The following STPG2 variants were observed in gnomAD, a reference collection of about 807,000 sequenced individuals.
STPG2 encodes the protein sperm-tail PG-rich repeat-containing protein 2.
STPG2 carries 56 observed loss-of-function variants against 54.2 expected under a neutral mutation model. The ratio of observed to expected loss-of-function variants is 1.03; its 90% CI spans 0.83 to 1.29. The LOEUF is 1.29. STPG2 is among the 50% of genes most tolerant of loss of function. The pLI is 0.00. For synonymous variants in STPG2, 200 were observed against 181.8 expected (o/e 1.10, Z -0.81); for missense variants, 596 against 544.9 (o/e 1.09, Z -0.93).
intron 9 of STPG2, among the ~76,000 whole-genome samples, chr4:97,785,341 G>C (rs260898): frequency 0.68 from 103,071 of 151,872 alleles, 36,477 homozygotes; most frequent in African/African-American, 0.9. Context: ...GTCAAAACAC[G>C]AGAAAGTAAT....
At chr4:97,968,629 A>G (rs1333068427) in intron 7 of STPG2, among the ~76,000 whole-genome samples, 1 of 152,228 alleles carries the variant, frequency 6.6e-6, no homozygotes, top group East Asian at 1.9e-4. Context: ...AGGCTGGTTC[A>G]ACATATGCAA....
In STPG2 at chr4:97,566,145, T is replaced by C. The variant is rs999302495; in HGVS notation, c.1321-7028A>G. Among the ~76,000 whole-genome samples the C allele has an allele frequency of 4.2e-3, 632 of 152,128 alleles. 3 individuals carry two copies. Among genetic ancestry groups the C allele is most frequent in the South Asian group, 0.02 (98 of 4,824 alleles). On this transcript the variant is annotated intron_variant, in intron 10 of 10. Transcript: ENST00000295268. Reference sequence around the variant, plus strand: ...CTAAGCAAGCCTGGGCAATGGCGGGTGCCTCTCCCCCAGCCTCGCTGCCAC... The same window carrying C: ...CTAAGCAAGCCTGGGCAATGGCGGGCGCCTCTCCCCCAGCCTCGCTGCCAC...
chr4:97,965,786 A>G (rs1245005552), intron 7 of STPG2, among the ~76,000 whole-genome samples: 1 of 152,216 alleles, frequency 6.6e-6, no homozygotes, highest in Non-Finnish European at 1.5e-5. Flanking sequence ...TGATTGTTAA[A>G]AGGAAAACTA....
intron 9 of STPG2, among the ~76,000 whole-genome samples, chr4:97,724,423 A>G (rs1724554956): frequency 6.6e-6 from 1 of 152,132 alleles, no homozygotes; most frequent in Non-Finnish European, 1.5e-5. Context: ...ATTAGTTTAA[A>G]AATTCTCTTT....
intron 8 of STPG2, among the ~76,000 whole-genome samples, chr4:97,901,090 T>G (rs1466822825): frequency 6.6e-6 from 1 of 151,934 alleles, no homozygotes; most frequent in African/African-American, 2.4e-5. Context: ...CAAACAAAAC[T>G]TACATAAGTA....
intron 10 of STPG2, among the ~76,000 whole-genome samples, chr4:97,590,549 C>T (rs1733115225): frequency 6.6e-6 from 1 of 151,672 alleles, no homozygotes; most frequent in African/African-American, 2.4e-5. Flanking sequence ...TCTTAGAGGT[C>T]TTTCTTGAAC....
intron 10 of STPG2, among the ~76,000 whole-genome samples, chr4:97,628,572 C>T (rs749447569): frequency 4.1e-4 from 63 of 152,180 alleles, no homozygotes; most frequent in Non-Finnish European, 2.5e-4. Context: ...CTGTGCTTAG[C>T]AATTAATGTG....
intron 8 of STPG2, among the ~76,000 whole-genome samples, chr4:97,910,328 C>T (rs535741714): frequency 4.6e-5 from 7 of 152,082 alleles, no homozygotes; most frequent in Non-Finnish European, 8.8e-5. Context: ...ATGGAAAGGT[C>T]GGGGAAAATA....
In STPG2 at chr4:97,943,973, T is replaced by C; in HGVS notation, c.968A>G (p.Asp323Gly). The stretch of plus-strand genomic sequence containing the variant: ...TTTGTTAGTCAAGTTAGGTAATTCA[T>C]CAGAAATTCCCACACCCTGTGAATG... ...FWHSQGVGIS[D>G]ELPNLTNKYA... Residue 323 changes from aspartate to glycine, a missense_variant, in exon 8 of 11, where the codon GAT becomes GGT. By Grantham distance (94) the Asp-to-Gly change is moderately conservative. Transcript: ENST00000295268. 1.2e-6 allele frequency: 2 copies of C among 1,607,352 alleles called. No homozygotes were observed. The highest frequency in any genetic ancestry group is 1.3e-5 in the African/African-American group (1 of 74,432).
chr4:97,608,593 C>T (rs1315895852), intron 10 of STPG2, among the ~76,000 whole-genome samples: 1 of 151,936 alleles, frequency 6.6e-6, no homozygotes, highest in African/African-American at 2.4e-5. Context: ...AACTTTCCCT[C>T]GGCTTTACAA....
intron 2 of STPG2, among the ~76,000 whole-genome samples, chr4:98,130,464 T>C (rs1316428857): frequency 6.6e-6 from 1 of 152,002 alleles, no homozygotes; most frequent in Non-Finnish European, 1.5e-5. Context: ...ATTACAGGCA[T>C]AAGCCACCAC....
At chr4:97,864,741 T>C (rs373133013) in intron 8 of STPG2, among the ~76,000 whole-genome samples, 5 of 151,748 alleles carry the variant, frequency 3.3e-5, no homozygotes, top group African/African-American at 7.2e-5. Flanking sequence ...TACCAAAACA[T>C]AGATATAGAC....
At chr4:97,690,832 G>C (rs976082548) in intron 10 of STPG2, among the ~76,000 whole-genome samples, 7 of 152,084 alleles carry the variant, frequency 4.6e-5, no homozygotes, top group Non-Finnish European at 1.0e-4. Flanking sequence ...CTGAAAAACT[G>C]TGAGTAGAAG....
At chr4:97,472,302 G>A (rs1414513323) in intron 4 of STPG2, among the ~76,000 whole-genome samples, 4 of 152,208 alleles carry the variant, frequency 2.6e-5, no homozygotes, top group Admixed American at 2.6e-4. Context: ...ACAAGTTTAA[G>A]AGATAAAAAC....
intron 5 of STPG2, among the ~76,000 whole-genome samples, chr4:98,031,475 G>A (rs1302252929): frequency 6.6e-6 from 1 of 152,012 alleles, no homozygotes; most frequent in Non-Finnish European, 1.5e-5. Flanking sequence ...TCAAGAGATG[G>A]AGACTATCCT....
At chr4:98,140,351 A>AT (rs958439276) in intron 1 of STPG2, among the ~76,000 whole-genome samples, 1 of 151,574 alleles carries the variant, frequency 6.6e-6, no homozygotes, top group Admixed American at 6.6e-5. Flanking sequence ...ATTACAAAGG[A>AT]TTTTTTTTTC....
At chr4:97,716,053 A>G (rs749144959) in intron 9 of STPG2, among the ~76,000 whole-genome samples, 3 of 152,236 alleles carry the variant, frequency 2.0e-5, no homozygotes, top group Non-Finnish European at 4.4e-5. Context: ...CACTTCTCAA[A>G]AGAAGACATT....
chr4:97,862,813 C>A (rs970941355), intron 8 of STPG2, among the ~76,000 whole-genome samples: 5 of 152,194 alleles, frequency 3.3e-5, no homozygotes, highest in Admixed American at 2.6e-4. Flanking sequence ...CACTCAACTA[C>A]ATGGAAACTG....
At chr4:97,913,874 A>C (rs1731771941) in intron 8 of STPG2, among the ~76,000 whole-genome samples, 1 of 152,134 alleles carries the variant, frequency 6.6e-6, no homozygotes, top group African/African-American at 2.4e-5. Context: ...TTGAAGAAAA[A>C]TTTTAACATT....
Sources: gnomAD v4.1 joint callset for allele counts (sites outside exome capture counted in the v4.1 genomes callset) on GRCh38, gnomAD v4.1.1 for gene constraint, MANE v1.5 for transcripts, NCBI Gene and HGNC (gene_info 2026-07-23, HGNC 2026-07-21) for gene names.